The following LRP6 variants were observed in gnomAD, a reference collection of about 807,000 sequenced individuals.
LRP6 encodes the protein LDL receptor related protein 6.
LRP6 carries 43 observed loss-of-function variants against 184.1 expected under a neutral mutation model. The observed-to-expected ratio is 0.23, with a 90% CI of 0.18 to 0.30. The LOEUF is 0.30. Among genes scored for constraint, LRP6 ranks in the 10% least tolerant of loss-of-function variants. LRP6 has a pLI of 1.00. For synonymous variants in LRP6, 719 were observed against 684.9 expected (o/e 1.05, Z -0.78); for missense variants, 1,571 against 2,005.3 (o/e 0.78, Z 4.14).
intron 1 of LRP6, among the ~76,000 whole-genome samples, chr12:12,265,083 A>C (rs911772024): frequency 4.6e-5 from 7 of 152,228 alleles, no homozygotes; most frequent in Non-Finnish European, 4.4e-5. Flanking sequence ...ACTCTAACCA[A>C]TCAGCTGGTT....
At chr12:12,150,540 T>C (rs1371363251) in intron 13 of LRP6, among the ~76,000 whole-genome samples, 2 of 152,118 alleles carry the variant, frequency 1.3e-5, no homozygotes, top group African/African-American at 4.8e-5. Context: ...TAATACTCCA[T>C]ACAATAGAAA....
intron 2 of LRP6, among the ~76,000 whole-genome samples, chr12:12,235,310 T>A (rs1330980841): frequency 6.6e-6 from 1 of 152,228 alleles, no homozygotes; most frequent in Admixed American, 6.5e-5. Context: ...GGTAGTAGAC[T>A]GGAATTGGCG....
chr12:12,250,521 C>T (rs79918846), intron 1 of LRP6, among the ~76,000 whole-genome samples: 117 of 151,822 alleles, frequency 7.7e-4, no homozygotes, highest in African/African-American at 2.7e-3. Context: ...CCTCTAGGAT[C>T]TCAGCCCTTG....
chr12:12,234,569 A>G (rs1477352331), intron 2 of LRP6, among the ~76,000 whole-genome samples: 1 of 152,198 alleles, frequency 6.6e-6, no homozygotes, highest in East Asian at 1.9e-4. Context: ...ACAGTGGCTC[A>G]TGCCTGTAAT....
intron 2 of LRP6, among the ~76,000 whole-genome samples, chr12:12,236,271 G>A (rs1043948892): frequency 7.2e-5 from 11 of 152,070 alleles, no homozygotes; most frequent in Middle Eastern, 3.2e-3. Flanking sequence ...ATGAGGGCAT[G>A]TACAAATGAC....
At chr12:12,198,522 AT>A (rs1591938027) in intron 3 of LRP6, among the ~76,000 whole-genome samples, 1 of 126,616 alleles carries the variant, frequency 7.9e-6, no homozygotes, top group Admixed American at 8.4e-5. Flanking sequence ...TCATTTCTGA[AT>A]TTTTCTCTTT....
chr12:12,155,911 T>C (rs1950145549), intron 12 of LRP6: 1 of 553,934 alleles, frequency 1.8e-6, no homozygotes, highest in African/African-American at 1.9e-5. Flanking sequence ...CATTCATTTA[T>C]TTAACAATAA....
chr12:12,123,501 G>A (rs1260724040), intron 22 of LRP6, among the ~76,000 whole-genome samples: 1 of 152,208 alleles, frequency 6.6e-6, no homozygotes, highest in Non-Finnish European at 1.5e-5. Flanking sequence ...TGACTGAAAT[G>A]CTAGGAAAGA....
chr12:12,249,007 C>T (rs1256862114), intron 1 of LRP6: 10 of 590,988 alleles, frequency 1.7e-5, no homozygotes, highest in Non-Finnish European at 3.0e-5. Context: ...CCACCACAGG[C>T]TCGGGGGTAA....
chr12:12,213,990 T>C (rs1400459991), intron 2 of LRP6, among the ~76,000 whole-genome samples: 6 of 152,158 alleles, frequency 3.9e-5, no homozygotes, highest in African/African-American at 1.4e-4. Flanking sequence ...CTACTGGCTT[T>C]GACCCTTCTG....
At chr12:12,166,730 A>G (rs958438552) in intron 7 of LRP6, among the ~76,000 whole-genome samples, 11 of 152,248 alleles carry the variant, frequency 7.2e-5, no homozygotes, top group South Asian at 2.1e-4. Flanking sequence ...TCTTTCAGCT[A>G]TATCACTTTC....
At chr12:12,214,510 T>C (rs938020907) in intron 2 of LRP6, among the ~76,000 whole-genome samples, 1 of 152,178 alleles carries the variant, frequency 6.6e-6, no homozygotes, top group Non-Finnish European at 1.5e-5. Flanking sequence ...CATAAACACA[T>C]TCCTGCAAAA....
chr12:12,254,179 AG>A (rs1208850500), intron 1 of LRP6, among the ~76,000 whole-genome samples: 1 of 151,534 alleles, frequency 6.6e-6, no homozygotes, highest in African/African-American at 2.4e-5. Flanking sequence ...AGAAAGAAAA[AG>A]GAAAACTACT....
intron 2 of LRP6, among the ~76,000 whole-genome samples, chr12:12,217,541 C>G (rs1471828977): frequency 6.6e-6 from 1 of 152,084 alleles, no homozygotes; most frequent in Non-Finnish European, 1.5e-5. Flanking sequence ...TCCACAAAAC[C>G]AGTCCCTGGT....
chr12:12,128,206 T>C (rs1376463016), intron 19 of LRP6, among the ~76,000 whole-genome samples: 2 of 152,198 alleles, frequency 1.3e-5, no homozygotes, highest in African/African-American at 4.8e-5. Flanking sequence ...CTTTACACAA[T>C]ACTGCTGGCT....
At chr12:12,238,224 G>GA (rs56083767) in intron 2 of LRP6, among the ~76,000 whole-genome samples, 47,683 of 125,768 alleles carry the variant, frequency 0.38, 8,253 homozygotes, top group Middle Eastern at 0.45. Context: ...AGGTACAAAA[G>GA]AAAAAAAAAA....
At chr12:12,205,842 CA>C (rs1420346386) in intron 2 of LRP6, among the ~76,000 whole-genome samples, 7 of 152,304 alleles carry the variant, frequency 4.6e-5, no homozygotes, top group African/African-American at 9.6e-5. Context: ...GGACAACAGT[CA>C]AACACTACCC....
At chr12:12,234,492 T>G (rs976234999) in intron 2 of LRP6, among the ~76,000 whole-genome samples, 4 of 151,000 alleles carry the variant, frequency 2.6e-5, no homozygotes, top group African/African-American at 9.7e-5. Flanking sequence ...CAAAAGAGCA[T>G]CTACTGTATG....
intron 5 of LRP6, among the ~76,000 whole-genome samples, chr12:12,183,719 C>CT (rs2136997108): frequency 6.6e-6 from 1 of 152,260 alleles, no homozygotes; most frequent in Admixed American, 6.5e-5. Context: ...ATATCAATGA[C>CT]TATGAGATTT....
Sources: allele counts gnomAD v4.1 joint callset (sites outside exome capture counted in the v4.1 genomes callset), GRCh38; gene constraint gnomAD v4.1.1; transcripts MANE v1.5; gene names NCBI Gene and HGNC (gene_info 2026-07-23, HGNC 2026-07-21).